DOCK3: variants seen among roughly 807,000 people sequenced by gnomAD.
The protein encoded by DOCK3 is dedicator of cytokinesis protein 3.
In DOCK3, 60 loss-of-function variants were observed where a neutral mutation model predicts 265.6. The ratio of observed to expected loss-of-function variants is 0.23; its 90% CI spans 0.18 to 0.28. The LOEUF is 0.28. DOCK3 is among the 10% of genes least tolerant of loss of function. The pLI is 1.00. For missense variants in DOCK3, 1,981 were observed against 2,594.3 expected (o/e 0.76, Z 5.14); for synonymous variants, 881 against 938.0 (o/e 0.94, Z 1.11).
At chr3:50,912,619 A>G (rs916915725) in intron 4 of DOCK3, among the ~76,000 whole-genome samples, 3 of 152,028 alleles carry the variant, frequency 2.0e-5, no homozygotes, top group African/African-American at 7.3e-5. Context: ...TTGGTGTTCT[A>G]TTGTGCTATG....
intron 2 of DOCK3, among the ~76,000 whole-genome samples, chr3:50,779,436 C>T (rs549658304): frequency 9.7e-4 from 147 of 151,962 alleles, no homozygotes; most frequent in African/African-American, 3.3e-3. Context: ...TAGGCTGGAG[C>T]GCAATGGTGC....
At chr3:50,690,625 G>A (rs1003558391) in intron 1 of DOCK3, among the ~76,000 whole-genome samples, 132 of 151,600 alleles carry the variant, frequency 8.7e-4, no homozygotes, top group African/African-American at 3.0e-3. Context: ...TCGTTCGTTC[G>A]TTCATTCATT....
chr3:51,101,817 C>CCT, intron 9 of DOCK3, among the ~76,000 whole-genome samples: 1 of 152,148 alleles, frequency 6.6e-6, no homozygotes, highest in Non-Finnish European at 1.5e-5. Flanking sequence ...ATTTCTACTC[C>CCT]TGCCTCAAAG....
Position 50,675,253 on chromosome 3 carries a change from C to T in DOCK3, c.-11C>T. ...GGTCGCCGCGCCCGCGGGGCCGCGC[C>T]CGGCACGGCCATGTGGACCCCCACG... is the stretch of plus-strand genomic sequence containing the variant. On this transcript the variant is annotated 5_prime_UTR_variant, in exon 1 of 53. Transcript: ENST00000266037. This position sits in a 1 kb window ranked among gnomAD's most constrained non-coding sequence, Gnocchi z 6.1. 1 of 1,204,954 alleles carries T rather than the reference C, an allele frequency of 8.3e-7. No individual in the cohort carries two copies. The highest frequency in any genetic ancestry group is 1.0e-6 in the Non-Finnish European group (1 of 960,324). The allele number at this position is 1,204,954 out of a possible 1,614,324, so 74.6% of individuals were successfully genotyped here. A position where few individuals can be genotyped will look rare whatever the true frequency, so the allele number is the denominator to read the frequency against.
chr3:51,220,261 A>T (rs185597904), intron 14 of DOCK3, among the ~76,000 whole-genome samples: 6 of 152,302 alleles, frequency 3.9e-5, no homozygotes, highest in Admixed American at 3.9e-4. Context: ...ACTGAAAGAA[A>T]GTCAGTTCTC....
chr3:50,898,239 C>T (rs1004457817), intron 4 of DOCK3, among the ~76,000 whole-genome samples: 12 of 152,004 alleles, frequency 7.9e-5, no homozygotes, highest in African/African-American at 2.9e-4. Flanking sequence ...TTATCCATTT[C>T]TTCTAGATTT....
chr3:50,708,113 C>T (rs1167871369), intron 1 of DOCK3, among the ~76,000 whole-genome samples: 2 of 152,050 alleles, frequency 1.3e-5, no homozygotes, highest in African/African-American at 4.8e-5. Context: ...TGTGGGCAGT[C>T]CTCTGGCCCT....
intron 5 of DOCK3, among the ~76,000 whole-genome samples, chr3:50,959,633 G>A (rs367630656): frequency 4.0e-4 from 60 of 151,798 alleles, no homozygotes; most frequent in African/African-American, 1.3e-3. Flanking sequence ...AGGCTGGAGT[G>A]CAGTGGCAAG....
At chr3:50,746,830 C>A (rs1031799952) in intron 1 of DOCK3, among the ~76,000 whole-genome samples, 1 of 152,114 alleles carries the variant, frequency 6.6e-6, no homozygotes, top group African/African-American at 2.4e-5. Context: ...AGGGCACCAC[C>A]AAGACATTCA....
At chr3:51,194,531 AG>A (rs1387839494) in intron 12 of DOCK3, among the ~76,000 whole-genome samples, 2 of 152,086 alleles carry the variant, frequency 1.3e-5, no homozygotes. Context: ...ATTGTTTTGC[AG>A]TTTATCTCTC....
chr3:51,217,975 G>T (rs551480482), intron 14 of DOCK3, among the ~76,000 whole-genome samples: 1 of 151,686 alleles, frequency 6.6e-6, no homozygotes, highest in Non-Finnish European at 1.5e-5. Flanking sequence ...AAAATTAGCC[G>T]GGGGTCGTGG....
chr3:51,205,229 C>A (rs2089117685), intron 12 of DOCK3, among the ~76,000 whole-genome samples: 1 of 151,768 alleles, frequency 6.6e-6, no homozygotes, highest in Admixed American at 6.6e-5. Flanking sequence ...CCACATCTAT[C>A]ACCACAGTAT....
chr3:51,090,919 C>T lies in DOCK3; in HGVS notation c.746+535C>T, dbSNP rs1362454501. Among the ~76,000 whole-genome samples the T allele has an allele frequency of 2.6e-5, 4 of 152,220 alleles. No homozygotes were observed. The South Asian group carries it at 6.2e-4, about 24-fold the overall frequency. ...TTTACTTGCTTTAGTACTTAAAATTCGAAAGCAGATTTTTCACTTTTCCAA... is the reference window on the plus strand; with the variant it reads ...TTTACTTGCTTTAGTACTTAAAATTTGAAAGCAGATTTTTCACTTTTCCAA... On this transcript the variant is annotated intron_variant, in intron 9 of 52. Coordinates refer to ENST00000266037, the MANE Select transcript of DOCK3 (RefSeq NM_004947.5).
chr3:50,755,099 CA>C (rs1488628551), intron 1 of DOCK3, among the ~76,000 whole-genome samples: 1 of 152,218 alleles, frequency 6.6e-6, no homozygotes, highest in Non-Finnish European at 1.5e-5. Flanking sequence ...CTTGTAAGCT[CA>C]AAAAATTGCA....
chr3:51,184,108 G>A (rs146497785), intron 12 of DOCK3, among the ~76,000 whole-genome samples: 186 of 152,144 alleles, frequency 1.2e-3, no homozygotes, highest in African/African-American at 3.5e-3. Context: ...TCAGGAGTTC[G>A]AGAGCAGCCT....
At chr3:51,027,953 A>G (rs974828180) in intron 5 of DOCK3, among the ~76,000 whole-genome samples, 2 of 151,976 alleles carry the variant, frequency 1.3e-5, no homozygotes, top group African/African-American at 4.8e-5. Flanking sequence ...TGATATTGAT[A>G]TATGAGATTT....
chr3:50,999,566 A>G (rs547927810), intron 5 of DOCK3, among the ~76,000 whole-genome samples: 1 of 152,238 alleles, frequency 6.6e-6, no homozygotes, highest in South Asian at 2.1e-4. Flanking sequence ...TTCTCTTCGT[A>G]CTGATGACTC....
intron 19 of DOCK3, among the ~76,000 whole-genome samples, chr3:51,235,667 A>G (rs1239935998): frequency 1.3e-5 from 2 of 152,170 alleles, no homozygotes; most frequent in African/African-American, 4.8e-5. Flanking sequence ...TTTAAACTGG[A>G]GGAAGGATAG....
At chr3:51,068,436 A>G (rs955338079) in intron 6 of DOCK3, among the ~76,000 whole-genome samples, 17 of 141,076 alleles carry the variant, frequency 1.2e-4, no homozygotes, top group Admixed American at 3.0e-4. Flanking sequence ...GCTACTCGGG[A>G]GGGTGAGGCA....
Sources: gnomAD v4.1 joint callset for allele counts (sites outside exome capture counted in the v4.1 genomes callset) on GRCh38, gnomAD v4.1.1 for gene constraint, Gnocchi (gnomAD v3.1) non-coding constraint, MANE v1.5 for transcripts, NCBI Gene and HGNC (gene_info 2026-07-23, HGNC 2026-07-21) for gene names.